Variants in RTN4 observed in about 807,000 individuals in gnomAD.
RTN4 encodes reticulon 4.
Under a neutral mutation model 90.4 loss-of-function variants are expected in RTN4, and 32 were observed. The ratio of observed to expected loss-of-function variants is 0.35; its 90% CI spans 0.27 to 0.48. The LOEUF (loss-of-function observed/expected upper bound fraction) is 0.48, where lower values mean the gene tolerates loss of function less well. Among genes scored for constraint, RTN4 ranks in the 20% least tolerant of loss-of-function variants. RTN4 has a pLI of 0.99. For missense variants in RTN4, 1,706 were observed against 1,430.2 expected, an observed-to-expected ratio of 1.19 and a Z score of -3.11; for synonymous variants, 629 against 552.5, an observed-to-expected ratio of 1.14 and a Z score of -1.94.
chr2:55,131,217 T>G, the RTN4 span, among the ~76,000 whole-genome samples: 8 of 83,214 alleles, frequency 9.6e-5, no homozygotes, highest in Non-Finnish European at 1.3e-4. Context: ...GTTTTTTGGG[T>G]TTTTTTTTTG....
intron 8 of RTN4, 38 bp from the exon 9 acceptor site, chr2:54,973,236 T>C (rs1315882420): frequency 1.3e-6 from 2 of 1,521,276 alleles, no homozygotes; most frequent in Non-Finnish European, 9.1e-7. Flanking sequence ...TCAGTTTTGT[T>C]TGCTGCTGCT....
At chr2:55,070,562 A>AG (rs1668490153) in intron 2 of RTN4, among the ~76,000 whole-genome samples, 1 of 150,994 alleles carries the variant, frequency 6.6e-6, no homozygotes, top group South Asian at 2.1e-4. Context: ...AAAAAAAAAA[A>AG]AAAAGAAAGA....
At chr2:55,024,402 T>C in intron 3 of RTN4, among the ~76,000 whole-genome samples, 1 of 152,150 alleles carries the variant, frequency 6.6e-6, no homozygotes, top group East Asian at 1.9e-4. Flanking sequence ...ATTCAGTAAA[T>C]TTATCATAAT....
rs746466926 is a variant in RTN4, at chr2:55,026,765, G to A, written c.1334C>T (p.Thr445Ile). ...ACCTTCTGGCGTACTGGGGAAAGAA[G>A]TATCATCATTACTACTCTCACTATC... is the stretch of plus-strand genomic sequence containing the variant. ...EKDSESSNDD[T>I]SFPSTPEGIK... Residue 445 changes from threonine to isoleucine, a missense_variant, in exon 3 of 9, where the codon ACT (threonine) becomes ATT (isoleucine). Thr to Ile is a moderately conservative substitution (Grantham distance 89). Transcript: ENST00000337526. The A allele has an allele frequency of 3.1e-6, 5 of 1,613,804 alleles. No individual in the cohort carries two copies. The highest frequency in any genetic ancestry group is 4.2e-6 in the Non-Finnish European group (5 of 1,179,886).
chr2:55,021,397 C>T (rs1224956139), intron 3 of RTN4, among the ~76,000 whole-genome samples: 2 of 151,368 alleles, frequency 1.3e-5, no homozygotes, highest in East Asian at 1.9e-4. Flanking sequence ...CCCTGCCCCC[C>T]CCGCCAAAAA....
At chr2:55,010,577 A>AGC (rs1680562202) in intron 3 of RTN4, 1 of 154,778 alleles carries the variant, frequency 6.5e-6, no homozygotes, top group African/African-American at 2.4e-5. Context: ...TTTCAGTTTC[A>AGC]TTTAAAACTC....
chr2:55,026,425 T>C lies in RTN4; in HGVS notation c.1674A>G (p.Ala558=). The C allele has an allele frequency of 6.2e-7, 1 of 1,613,968 alleles. No homozygotes were observed. The highest frequency in any genetic ancestry group is 8.5e-7 in the Non-Finnish European group (1 of 1,179,920). The change falls in exon 3 of 9, where the codon GCA becomes GCG. Residue 558 remains alanine (A), a synonymous_variant. Coordinates refer to ENST00000337526, the MANE Select transcript of RTN4 (RefSeq NM_020532.5). ...TAACTTCATTCAATTCACTTTCACA[T>C]GCTTCCTGTACTAAATCTGGAGTCA... ...EGLTPDLVQE[A]CESELNEVTG...
intron 6 of RTN4, chr2:54,974,205 G>C (rs962757090): frequency 3.9e-6 from 1 of 258,852 alleles, no homozygotes; most frequent in African/African-American, 2.3e-5. Flanking sequence ...TTGTTAGTAG[G>C]AGCTGTCTTC....
At chr2:55,075,161 T>C (rs1668578845) in intron 2 of RTN4, among the ~76,000 whole-genome samples, 1 of 152,222 alleles carries the variant, frequency 6.6e-6, no homozygotes, top group African/African-American at 2.4e-5. Context: ...GATGACATGG[T>C]CTTATACCTA....
intron 8 of RTN4, 89 bp downstream of exon 8, chr2:54,973,474 T>TACTC (rs1439178683): frequency 2.9e-6 from 3 of 1,021,924 alleles, no homozygotes; most frequent in Non-Finnish European, 4.6e-6. Context: ...AGAGATTTGT[T>TACTC]ACTCATTATG....
At chr2:55,049,104 C>T in intron 1 of RTN4, 1 of 985,902 alleles carries the variant, frequency 1.0e-6, no homozygotes, top group Non-Finnish European at 1.2e-6. Flanking sequence ...CCCATTTCTC[C>T]ACGCACCACA....
At chr2:55,103,717 C>T (rs560791405) in intron 1 of RTN4, among the ~76,000 whole-genome samples, 8 of 152,086 alleles carry the variant, frequency 5.3e-5, no homozygotes, top group South Asian at 2.1e-4. Context: ...GTTGTTGAAA[C>T]GGAGTCTCGC....
intron 2 of RTN4, among the ~76,000 whole-genome samples, chr2:55,070,233 G>T (rs1668469261): frequency 6.6e-6 from 1 of 151,918 alleles, no homozygotes; most frequent in Non-Finnish European, 1.5e-5. Context: ...TAATACTCCA[G>T]TAATACACCC....
At chr2:55,017,053 G>A (rs1681094951) in intron 3 of RTN4, among the ~76,000 whole-genome samples, 1 of 152,092 alleles carries the variant, frequency 6.6e-6, no homozygotes, top group South Asian at 2.1e-4. Context: ...TTTTTAAAAA[G>A]TAAATATAAT....
chr2:55,074,224 A>G (rs1668562316), intron 2 of RTN4, among the ~76,000 whole-genome samples: 1 of 152,208 alleles, frequency 6.6e-6, no homozygotes, highest in Non-Finnish European at 1.5e-5. Context: ...AACACTGGCC[A>G]TGCACAGTGG....
At chr2:54,979,828 T>C (rs1677973755) in intron 5 of RTN4, among the ~76,000 whole-genome samples, 1 of 152,218 alleles carries the variant, frequency 6.6e-6, no homozygotes, top group African/African-American at 2.4e-5. Context: ...TGTTACTTAT[T>C]TGCAGTCCTA....
At chr2:55,023,535 TTCTC>T (rs1325704183) in intron 3 of RTN4, among the ~76,000 whole-genome samples, 2 of 152,080 alleles carry the variant, frequency 1.3e-5, no homozygotes, top group Admixed American at 6.6e-5. Context: ...CTATCGTTCC[TTCTC>T]TCTAACACTA....
chr2:55,098,910 C>G (rs1667801096), intron 1 of RTN4, among the ~76,000 whole-genome samples: 2 of 152,110 alleles, frequency 1.3e-5, no homozygotes, highest in South Asian at 4.1e-4. Flanking sequence ...GCATTTGGAA[C>G]AAGAAACTTG....
At chr2:55,107,910 T>C (rs56804259) in intron 1 of RTN4, among the ~76,000 whole-genome samples, 4,330 of 152,150 alleles carry the variant, frequency 0.028, 212 homozygotes, top group African/African-American at 0.099. Context: ...TTTAGCTACA[T>C]AGAGACTGGA....
Sources: gnomAD v4.1 joint callset for allele counts (sites outside exome capture counted in the v4.1 genomes callset) on GRCh38, gnomAD v4.1.1 for gene constraint, MANE v1.5 for transcripts, NCBI Gene and HGNC (gene_info 2026-07-23, HGNC 2026-07-21) for gene names.